The following GRIK1 variants were observed in gnomAD, a reference collection of about 807,000 sequenced individuals.
GRIK1 encodes the protein glutamate receptor ionotropic, kainate 1.
A neutral mutation model predicts 105.7 loss-of-function variants in GRIK1; 69 were observed. The ratio of observed to expected loss-of-function variants is 0.65; its 90% CI spans 0.54 to 0.80. The LOEUF is 0.80. GRIK1 is among the 30% of genes least tolerant of loss of function. GRIK1 has a pLI of 0.00. For missense variants in GRIK1, 1,109 were observed against 1,167.3 expected, an observed-to-expected ratio of 0.95 and a Z score of 0.73; for synonymous variants, 438 against 431.3, an observed-to-expected ratio of 1.02 and a Z score of -0.19.
At chr21:29,587,990 T>TTTTTTTTTTTG (rs1491321446) in intron 11 of GRIK1, among the ~76,000 whole-genome samples, 10 of 131,216 alleles carry the variant, frequency 7.6e-5, no homozygotes, top group African/African-American at 3.2e-4. Flanking sequence ...TTTTTTTTTT[T>TTTTTTTTTTTG]GTGAGGCGGA....
intron 1 of GRIK1, among the ~76,000 whole-genome samples, chr21:29,859,501 C>A (rs1483726266): frequency 4.6e-5 from 7 of 152,142 alleles, no homozygotes; most frequent in Non-Finnish European, 1.0e-4. Context: ...TCTAGCCTCA[C>A]AGAATGATAG....
At chr21:29,560,737 G>A (rs1361100888) in intron 15 of GRIK1, among the ~76,000 whole-genome samples, 2 of 151,260 alleles carry the variant, frequency 1.3e-5, no homozygotes, top group Non-Finnish European at 2.9e-5. Flanking sequence ...GAGTAGCTGG[G>A]ACTATAGGCA....
chr21:29,812,688 C>A (rs1448527817), intron 1 of GRIK1, among the ~76,000 whole-genome samples: 1 of 152,110 alleles, frequency 6.6e-6, no homozygotes, highest in Non-Finnish European at 1.5e-5. Context: ...CATTGTGAAG[C>A]CACTAGGAAA....
intron 1 of GRIK1, among the ~76,000 whole-genome samples, chr21:29,847,866 G>A (rs983921970): frequency 4.6e-5 from 7 of 150,878 alleles, no homozygotes; most frequent in Non-Finnish European, 8.9e-5. Flanking sequence ...ACTTTGTTTT[G>A]TTTATTCAGG....
intron 6 of GRIK1, among the ~76,000 whole-genome samples, chr21:29,648,012 G>C (rs2062653769): frequency 6.6e-6 from 1 of 152,026 alleles, no homozygotes; most frequent in Admixed American, 6.6e-5. Flanking sequence ...AGGCATGACT[G>C]ATTTCTCTAT....
At chr21:29,560,475 C>T (rs962768620) in intron 15 of GRIK1, among the ~76,000 whole-genome samples, 3 of 111,888 alleles carry the variant, frequency 2.7e-5, no homozygotes, top group African/African-American at 4.8e-5. Context: ...TTTCCTTTCT[C>T]TCTCTCCCTT....
At chr21:29,537,505 A>G in intron 17 of GRIK1, 120 bp from the exon 18 acceptor site, 1 of 795,144 alleles carries the variant, frequency 1.3e-6, no homozygotes, top group South Asian at 1.8e-5. Context: ...CTCTGTCACA[A>G]TTGGCCAGTT....
At chr21:29,817,367 C>T (rs776485248) in intron 1 of GRIK1, among the ~76,000 whole-genome samples, 5 of 151,854 alleles carry the variant, frequency 3.3e-5, no homozygotes, top group Non-Finnish European at 7.4e-5. Context: ...CCATCAAAAG[C>T]GAAAACAAAT....
At chr21:29,822,966 C>T (rs2067346347) in intron 1 of GRIK1, among the ~76,000 whole-genome samples, 1 of 151,896 alleles carries the variant, frequency 6.6e-6, no homozygotes, top group Non-Finnish European at 1.5e-5. Context: ...TGAGAAGGGG[C>T]TGGGACCTCA....
chr21:29,605,369 A>G (rs2061591868), intron 7 of GRIK1, among the ~76,000 whole-genome samples: 1 of 152,166 alleles, frequency 6.6e-6, no homozygotes, highest in Non-Finnish European at 1.5e-5. Flanking sequence ...TTCCAACTCC[A>G]TCCATGTCCC....
intron 16 of GRIK1, chr21:29,553,695 A>C: frequency 6.3e-7 from 1 of 1,576,292 alleles, no homozygotes; most frequent in Non-Finnish European, 8.6e-7. Flanking sequence ...CCATAAAAGA[A>C]ACAAAAAGCC....
At chr21:29,540,604 G>A (rs1385008795) in intron 16 of GRIK1, among the ~76,000 whole-genome samples, 4 of 152,186 alleles carry the variant, frequency 2.6e-5, no homozygotes, top group South Asian at 4.1e-4. Context: ...TAATTAATTT[G>A]CCTTTTATGA....
intron 7 of GRIK1, among the ~76,000 whole-genome samples, chr21:29,609,482 T>C (rs2061685399): frequency 6.6e-6 from 1 of 152,170 alleles, no homozygotes; most frequent in African/African-American, 2.4e-5. Context: ...TTAAACGTTG[T>C]TTCTGGGTGT....
intron 1 of GRIK1, among the ~76,000 whole-genome samples, chr21:29,869,430 T>C (rs1255390338): frequency 6.6e-6 from 1 of 152,220 alleles, no homozygotes; most frequent in Non-Finnish European, 1.5e-5. Flanking sequence ...CTAAGTGGTA[T>C]GGAAGAAAAG....
chr21:29,754,253 A>G (rs1015572388), intron 1 of GRIK1, among the ~76,000 whole-genome samples: 3 of 152,188 alleles, frequency 2.0e-5, no homozygotes, highest in African/African-American at 7.2e-5. Flanking sequence ...AAATAAATAC[A>G]ACAATAGGAA....
intron 3 of GRIK1, among the ~76,000 whole-genome samples, chr21:29,689,328 G>A (rs551928346): frequency 6.6e-6 from 1 of 152,012 alleles, no homozygotes; most frequent in Non-Finnish European, 1.5e-5. Context: ...GTTAACTTAC[G>A]TTAGAAACTT....
intron 1 of GRIK1, among the ~76,000 whole-genome samples, chr21:29,912,826 C>A (rs971513373): frequency 1.3e-5 from 2 of 151,900 alleles, no homozygotes; most frequent in African/African-American, 4.8e-5. Context: ...AGAGTTCATT[C>A]CCGAAGGTTT....
chr21:29,831,704 C>A lies in GRIK1; in HGVS notation c.118+107679G>T, dbSNP rs1026064709. Among the ~76,000 whole-genome samples the A allele has an allele frequency of 2.6e-5, 4 of 151,996 alleles. No individual in the cohort carries two copies. The South Asian group carries it at 8.3e-4, about 32-fold the overall frequency. On this transcript the variant is annotated intron_variant, in intron 1 of 17. Transcript: ENST00000327783. ...ATGATCAAAACACCACCCACCAGACCCCTCCTCCAACACCAAGGATAAAAA... is the reference window on the plus strand; with the variant it reads ...ATGATCAAAACACCACCCACCAGACACCTCCTCCAACACCAAGGATAAAAA...
chr21:29,762,837 G>A (rs1466224490), intron 1 of GRIK1, among the ~76,000 whole-genome samples: 1 of 152,148 alleles, frequency 6.6e-6, no homozygotes, highest in Non-Finnish European at 1.5e-5. Context: ...ATAAATTCCT[G>A]TCAACGTGTT....
Sources: allele counts gnomAD v4.1 joint callset (sites outside exome capture counted in the v4.1 genomes callset), GRCh38; gene constraint gnomAD v4.1.1; transcripts MANE v1.5; gene names NCBI Gene and HGNC (gene_info 2026-07-23, HGNC 2026-07-21).